MATCAP2: variants seen among roughly 807,000 people sequenced by gnomAD.
MATCAP2 encodes the protein putative tyrosine carboxypeptidase MATCAP2.
the MATCAP2 span, chr7:36,355,603 CA>C: frequency 1.3e-5 from 2 of 152,150 alleles, no homozygotes; most frequent in Non-Finnish European, 2.9e-5. Context: ...ATAATGGCTT[CA>C]AAAGACTGGC....
the MATCAP2 span, among the ~76,000 whole-genome samples, chr7:36,371,594 C>T: frequency 6.6e-6 from 1 of 151,958 alleles, no homozygotes; most frequent in Admixed American, 6.6e-5. Flanking sequence ...AAAAGATCAA[C>T]ATCCTGCTTG....
At chr7:36,336,643 CAGG>C in the MATCAP2 span, among the ~76,000 whole-genome samples, 3 of 151,874 alleles carry the variant, frequency 2.0e-5, no homozygotes, top group African/African-American at 7.3e-5. Context: ...GGTGGTTTGG[CAGG>C]AGAACTCAGA....
At chr7:36,328,485 T>G in the MATCAP2 span, among the ~76,000 whole-genome samples, 1 of 152,096 alleles carries the variant, frequency 6.6e-6, no homozygotes, top group African/African-American at 2.4e-5. Context: ...GGCCCACACC[T>G]GTAATCCCAG....
chr7:36,357,564 G>A, the MATCAP2 span: 26 of 1,612,708 alleles, frequency 1.6e-5, no homozygotes, highest in South Asian at 2.7e-4. Context: ...TTCTTAGCAA[G>A]TTCTTGCTCA....
the MATCAP2 span, among the ~76,000 whole-genome samples, chr7:36,332,610 A>G: frequency 2.0e-5 from 3 of 152,176 alleles, no homozygotes; most frequent in Non-Finnish European, 4.4e-5. Context: ...GTAAGTATTT[A>G]CCAAGCTCCA....
the MATCAP2 span, among the ~76,000 whole-genome samples, chr7:36,343,623 GGAAAA>G: frequency 6.8e-5 from 5 of 73,020 alleles, no homozygotes; most frequent in Admixed American, 3.3e-4. Flanking sequence ...AGAGAAGGAA[GGAAAA>G]GAAAAGAAAA....
At chr7:36,373,873 C>G in the MATCAP2 span, among the ~76,000 whole-genome samples, 1 of 152,114 alleles carries the variant, frequency 6.6e-6, no homozygotes, top group African/African-American at 2.4e-5. Flanking sequence ...CAACTTCCAT[C>G]TCCCAGGTTC....
the MATCAP2 span, among the ~76,000 whole-genome samples, chr7:36,377,967 C>T: frequency 2.6e-5 from 4 of 152,270 alleles, no homozygotes; most frequent in East Asian, 5.8e-4. Flanking sequence ...CATTTAAGTT[C>T]TTCTCTGCAC....
chr7:36,349,061 A>T, the MATCAP2 span, among the ~76,000 whole-genome samples: 1 of 152,266 alleles, frequency 6.6e-6, no homozygotes, highest in Non-Finnish European at 1.5e-5. Context: ...GCTGTGACCG[A>T]TATTTACGTG....
the MATCAP2 span, among the ~76,000 whole-genome samples, chr7:36,337,281 A>C: frequency 4.6e-5 from 7 of 152,034 alleles, no homozygotes; most frequent in Non-Finnish European, 1.0e-4. Context: ...AAGGAATAAG[A>C]AAGTTGAGAT....
the MATCAP2 span, among the ~76,000 whole-genome samples, chr7:36,327,925 T>A: frequency 6.6e-6 from 1 of 152,230 alleles, no homozygotes; most frequent in African/African-American, 2.4e-5. Flanking sequence ...ATTTGTGATT[T>A]GTATTACATC....
chr7:36,351,350 T>A, the MATCAP2 span, among the ~76,000 whole-genome samples: 10 of 152,120 alleles, frequency 6.6e-5, no homozygotes, highest in Admixed American at 3.3e-4. Context: ...GAGCCGAGAC[T>A]GCATAATTGC....
At chr7:36,333,513 T>G in the MATCAP2 span, among the ~76,000 whole-genome samples, 1 of 152,032 alleles carries the variant, frequency 6.6e-6, no homozygotes, top group South Asian at 2.1e-4. Flanking sequence ...TTGTATGGCA[T>G]GTGAATTATA....
the MATCAP2 span, among the ~76,000 whole-genome samples, chr7:36,358,534 C>A: frequency 6.6e-6 from 1 of 152,134 alleles, no homozygotes; most frequent in Non-Finnish European, 1.5e-5. Flanking sequence ...ATAACTATTA[C>A]AAAGGTATTA....
the MATCAP2 span, among the ~76,000 whole-genome samples, chr7:36,387,702 G>C: frequency 6.6e-6 from 1 of 152,094 alleles, no homozygotes; most frequent in Non-Finnish European, 1.5e-5. Flanking sequence ...GGATGGTGAG[G>C]GAAGATACAC....
the MATCAP2 span, among the ~76,000 whole-genome samples, chr7:36,382,140 A>C: frequency 1.3e-5 from 2 of 151,354 alleles, no homozygotes; most frequent in Non-Finnish European, 2.9e-5. Flanking sequence ...TAAAAAAAAA[A>C]CAATAATAAT....
chr7:36,385,161 T>C, the MATCAP2 span, among the ~76,000 whole-genome samples: 32 of 152,370 alleles, frequency 2.1e-4, no homozygotes, highest in African/African-American at 6.0e-4. Flanking sequence ...AAGTTTGTTA[T>C]AGACATTTTT....
chr7:36,335,743 G>A, the MATCAP2 span, among the ~76,000 whole-genome samples: 1 of 151,840 alleles, frequency 6.6e-6, no homozygotes, highest in Non-Finnish European at 1.5e-5. Context: ...AATTTAATGA[G>A]TAAAATAGTT....
At chr7:36,375,140 G>A in the MATCAP2 span, among the ~76,000 whole-genome samples, 1 of 152,178 alleles carries the variant, frequency 6.6e-6, no homozygotes, top group Admixed American at 6.5e-5. Context: ...GGTTGAACTA[G>A]TTTATACTCC....
Sources: gnomAD v4.1 joint callset for allele counts (sites outside exome capture counted in the v4.1 genomes callset) on GRCh38, gnomAD v4.1.1 for gene constraint, MANE v1.5 for transcripts, NCBI Gene and HGNC (gene_info 2026-07-23, HGNC 2026-07-21) for gene names.